SLC35D4: variants seen among roughly 807,000 people sequenced by gnomAD.
The protein encoded by SLC35D4 is solute carrier family 35 member D4, also known as UDP-N-acetylglucosamine transporter SLC35D4.
chr18:23,388,943 T>A, the SLC35D4 span, among the ~76,000 whole-genome samples: 1 of 151,746 alleles, frequency 6.6e-6, no homozygotes, highest in East Asian at 1.9e-4. Context: ...GAACTGTGAG[T>A]CAATTAAACA....
the SLC35D4 span, among the ~76,000 whole-genome samples, chr18:23,273,301 C>A: frequency 6.6e-6 from 1 of 152,034 alleles, no homozygotes; most frequent in South Asian, 2.1e-4. Context: ...AAGTACTCCT[C>A]GACTGCAAAA....
chr18:23,311,466 A>C, the SLC35D4 span, among the ~76,000 whole-genome samples: 6 of 151,906 alleles, frequency 3.9e-5, no homozygotes, highest in Non-Finnish European at 2.9e-5. Flanking sequence ...GTGGACTAAA[A>C]TGTTATTACC....
the SLC35D4 span, among the ~76,000 whole-genome samples, chr18:23,392,733 C>T: frequency 6.6e-6 from 1 of 152,166 alleles, no homozygotes; most frequent in Non-Finnish European, 1.5e-5. Context: ...CTTGCCTGCT[C>T]TCAGGGAATG....
the SLC35D4 span, among the ~76,000 whole-genome samples, chr18:23,269,710 A>G: frequency 3.8e-3 from 572 of 152,350 alleles, 3 homozygotes; most frequent in African/African-American, 0.013. Context: ...AATAAAGTCC[A>G]GGTTGAGGTG....
the SLC35D4 span, among the ~76,000 whole-genome samples, chr18:23,387,917 T>C: frequency 6.6e-6 from 1 of 152,224 alleles, no homozygotes; most frequent in Non-Finnish European, 1.5e-5. Flanking sequence ...AGATTACATA[T>C]TTTAAAGTTG....
chr18:23,247,615 C>T, the SLC35D4 span, among the ~76,000 whole-genome samples: 8 of 152,236 alleles, frequency 5.3e-5, no homozygotes, highest in South Asian at 2.1e-4. Flanking sequence ...GAGGAGCAAA[C>T]GGAGGCACAG....
the SLC35D4 span, among the ~76,000 whole-genome samples, chr18:23,267,601 C>T: frequency 6.6e-6 from 1 of 152,224 alleles, no homozygotes; most frequent in Non-Finnish European, 1.5e-5. Context: ...TGCCCACTCC[C>T]TGCACTGTCG....
chr18:23,360,451 A>G, the SLC35D4 span, among the ~76,000 whole-genome samples: 2 of 152,234 alleles, frequency 1.3e-5, no homozygotes, highest in African/African-American at 2.4e-5. Context: ...CAGCAACAAA[A>G]AGGAACAAAC....
chr18:23,328,437 G>A, the SLC35D4 span, among the ~76,000 whole-genome samples: 4 of 152,108 alleles, frequency 2.6e-5, no homozygotes, highest in African/African-American at 4.8e-5. Flanking sequence ...CAAATCATGA[G>A]TGAAGTCCCA....
At chr18:23,252,511 G>GT in the SLC35D4 span, among the ~76,000 whole-genome samples, 1 of 152,328 alleles carries the variant, frequency 6.6e-6, no homozygotes, top group Admixed American at 6.5e-5. Flanking sequence ...CACTGTTACT[G>GT]TTTTTTGTTT....
At chr18:23,255,697 C>A in the SLC35D4 span, among the ~76,000 whole-genome samples, 1 of 151,678 alleles carries the variant, frequency 6.6e-6, no homozygotes, top group East Asian at 1.9e-4. Flanking sequence ...GTAGCTGGAA[C>A]TACAGGCATG....
the SLC35D4 span, chr18:23,385,060 G>A: frequency 6.2e-7 from 1 of 1,612,736 alleles, no homozygotes; most frequent in African/African-American, 1.3e-5. Context: ...GAGAAACACA[G>A]GAATGGCCTG....
the SLC35D4 span, among the ~76,000 whole-genome samples, chr18:23,352,924 A>T: frequency 6.6e-6 from 1 of 152,200 alleles, no homozygotes; most frequent in Non-Finnish European, 1.5e-5. Context: ...GTGGACCAAC[A>T]AGGGCGAGGG....
At chr18:23,435,352 A>T in the SLC35D4 span, among the ~76,000 whole-genome samples, 1 of 152,110 alleles carries the variant, frequency 6.6e-6, no homozygotes, top group South Asian at 2.1e-4. Context: ...GATTATGTGG[A>T]AATAAAAGAA....
chr18:23,342,647 A>G, the SLC35D4 span, among the ~76,000 whole-genome samples: 1 of 152,292 alleles, frequency 6.6e-6, no homozygotes, highest in South Asian at 2.1e-4. Flanking sequence ...AAAACTACCA[A>G]ACTGTTTTTG....
At chr18:23,316,814 A>G in the SLC35D4 span, among the ~76,000 whole-genome samples, 2 of 152,206 alleles carry the variant, frequency 1.3e-5, no homozygotes, top group African/African-American at 4.8e-5. Context: ...ATGAAAGATA[A>G]GGGAAGAAAG....
At chr18:23,407,556 G>A in the SLC35D4 span, among the ~76,000 whole-genome samples, 2 of 149,224 alleles carry the variant, frequency 1.3e-5, no homozygotes, top group Non-Finnish European at 2.9e-5. Flanking sequence ...AATTCTGTCT[G>A]TCTGTCTCTT....
the SLC35D4 span, among the ~76,000 whole-genome samples, chr18:23,342,605 C>G: frequency 1.3e-5 from 2 of 151,972 alleles, no homozygotes; most frequent in African/African-American, 2.4e-5. Context: ...AATAGAATTG[C>G]TAGGTTGTAG....
At chr18:23,374,709 TC>T in the SLC35D4 span, among the ~76,000 whole-genome samples, 1 of 152,064 alleles carries the variant, frequency 6.6e-6, no homozygotes, top group Non-Finnish European at 1.5e-5. Context: ...GGTCTCGAAC[TC>T]CCGACCTCAG....
Sources: gnomAD v4.1 joint callset for allele counts (sites outside exome capture counted in the v4.1 genomes callset) on GRCh38, gnomAD v4.1.1 for gene constraint, MANE v1.5 for transcripts, NCBI Gene and HGNC (gene_info 2026-07-23, HGNC 2026-07-21) for gene names.